PTPRN2: variants seen among roughly 807,000 people sequenced by gnomAD.
PTPRN2 encodes the protein protein tyrosine phosphatase receptor type N2, also known as receptor-type tyrosine-protein phosphatase N2.
A neutral mutation model predicts 118.8 loss-of-function variants in PTPRN2; 74 were observed. The observed-to-expected ratio is 0.62, with a 90% CI of 0.52 to 0.76. The LOEUF (loss-of-function observed/expected upper bound fraction) is 0.76, where lower values mean the gene tolerates loss of function less well. Ranked by LOEUF, PTPRN2 falls within the 30% of genes least tolerant of loss-of-function variation. The probability of loss-of-function intolerance (pLI) is 0.00; values close to 1 mark genes in which losing one functional copy is unlikely to be tolerated. For missense variants in PTPRN2, 1,481 were observed against 1,394.4 expected, an observed-to-expected ratio of 1.06 and a Z score of -0.99; for synonymous variants, 641 against 608.0, an observed-to-expected ratio of 1.05 and a Z score of -0.80.
chr7:158,157,881 G>C (rs1021499127), intron 6 of PTPRN2, among the ~76,000 whole-genome samples: 1 of 152,216 alleles, frequency 6.6e-6, no homozygotes, highest in Non-Finnish European at 1.5e-5. Flanking sequence ...GGACTGTTTC[G>C]CTAGGATGAA....
chr7:158,226,281 TGAG>T (rs572003068), intron 3 of PTPRN2, among the ~76,000 whole-genome samples: 223 of 152,154 alleles, frequency 1.5e-3, no homozygotes, highest in African/African-American at 5.2e-3. Flanking sequence ...GTGGATAGTT[TGAG>T]AAGCAGAATT....
At chr7:157,715,357 G>A (rs1308427380) in intron 12 of PTPRN2, among the ~76,000 whole-genome samples, 1 of 152,222 alleles carries the variant, frequency 6.6e-6, no homozygotes, top group Non-Finnish European at 1.5e-5. Context: ...TGGGGTGCCA[G>A]TCCCCCCGCT....
intron 12 of PTPRN2, among the ~76,000 whole-genome samples, chr7:157,872,259 T>C (rs1384977132): frequency 1.8e-3 from 217 of 123,138 alleles, no homozygotes; most frequent in African/African-American, 6.2e-3. Context: ...ACATATCCAG[T>C]GTCCTCCCCA....
intron 11 of PTPRN2, among the ~76,000 whole-genome samples, chr7:157,921,402 T>C (rs559735403): frequency 1.3e-5 from 2 of 152,328 alleles, no homozygotes; most frequent in South Asian, 4.1e-4. Flanking sequence ...TGATGATGGA[T>C]ACGTGTCATC....
At chr7:157,799,025 T>C (rs2151091004) in intron 12 of PTPRN2, among the ~76,000 whole-genome samples, 1 of 152,288 alleles carries the variant, frequency 6.6e-6, no homozygotes, top group East Asian at 1.9e-4. Flanking sequence ...TCCTTTCTTC[T>C]CCAACTTCTA....
intron 1 of PTPRN2, among the ~76,000 whole-genome samples, chr7:158,569,634 T>C (rs1827863899): frequency 6.6e-6 from 1 of 150,568 alleles, no homozygotes; most frequent in African/African-American, 2.5e-5. Flanking sequence ...GGCACAAGGC[T>C]GCCCAACAAG....
In PTPRN2 at chr7:158,417,510, T is replaced by A. The variant is rs533722294; in HGVS notation, c.163+72225A>T. Among the ~76,000 whole-genome samples the A allele has an allele frequency of 4.0e-5, 6 of 150,852 alleles. No individual in the cohort carries two copies. In the South Asian group the frequency reaches 1.0e-3, roughly 26 times the overall value. On this transcript the variant is annotated intron_variant, in intron 2 of 22. Coordinates refer to ENST00000389418, the MANE Select transcript of PTPRN2 (RefSeq NM_002847.5). ...TGCTCTAGCTCTCAGTGTCCCACTG[T>A]GTTAAGTCATGGTGTACTACATCGA...
chr7:158,256,623 G>C (rs972722940), intron 3 of PTPRN2, among the ~76,000 whole-genome samples: 1 of 152,048 alleles, frequency 6.6e-6, no homozygotes, highest in Non-Finnish European at 1.5e-5. Flanking sequence ...AAGTGATGAC[G>C]GCAGAGAAGA....
chr7:157,692,052 A>AG (rs1797528337), intron 12 of PTPRN2, among the ~76,000 whole-genome samples: 2 of 152,194 alleles, frequency 1.3e-5, no homozygotes, highest in Non-Finnish European at 2.9e-5. Context: ...AGAAAGGAAG[A>AG]GGGGGGCGCA....
chr7:158,149,824 C>T (rs935150312), intron 6 of PTPRN2, among the ~76,000 whole-genome samples: 2 of 149,238 alleles, frequency 1.3e-5, no homozygotes, highest in East Asian at 3.9e-4. Context: ...AAAAGATAAA[C>T]CCAAGTGATG....
chr7:158,146,308 C>G (rs531123998), intron 6 of PTPRN2, among the ~76,000 whole-genome samples: 5 of 152,070 alleles, frequency 3.3e-5, no homozygotes, highest in Non-Finnish European at 7.3e-5. Flanking sequence ...AAAATATGAA[C>G]CTCTCATTAA....
At chr7:158,081,405 A>T (rs1221545100) in intron 10 of PTPRN2, 28 bp from the exon 11 acceptor site, 1 of 1,604,238 alleles carries the variant, frequency 6.2e-7, no homozygotes, top group South Asian at 1.1e-5. Flanking sequence ...AAATAAGTTC[A>T]TAACGAAGTC....
At chr7:158,501,937 C>T (rs1822391934) in intron 1 of PTPRN2, among the ~76,000 whole-genome samples, 2 of 152,142 alleles carry the variant, frequency 1.3e-5, no homozygotes, top group South Asian at 2.1e-4. Context: ...CCTAGCTCTG[C>T]GGATGCCTGC....
intron 12 of PTPRN2, among the ~76,000 whole-genome samples, chr7:157,822,409 ACTAT>A (rs1270687557): frequency 6.6e-6 from 1 of 150,412 alleles, no homozygotes; most frequent in Non-Finnish European, 1.5e-5. Flanking sequence ...CTATCCATTA[ACTAT>A]CCATCCACTC....
chr7:158,268,657 T>C (rs1367693425), intron 3 of PTPRN2, among the ~76,000 whole-genome samples: 3 of 110,970 alleles, frequency 2.7e-5, no homozygotes, highest in Admixed American at 2.2e-4. Context: ...ACAGGGCGGG[T>C]GTGAAATATC....
chr7:157,641,662 C>G (rs1437008803), intron 14 of PTPRN2, among the ~76,000 whole-genome samples: 1 of 152,180 alleles, frequency 6.6e-6, no homozygotes, highest in Non-Finnish European at 1.5e-5. Context: ...ATCTTCCTGT[C>G]TTTCCAAGAT....
chr7:158,375,496 A>G (rs1374361333), intron 2 of PTPRN2, among the ~76,000 whole-genome samples: 1 of 152,194 alleles, frequency 6.6e-6, no homozygotes, highest in Non-Finnish European at 1.5e-5. Flanking sequence ...ATCCATTGCA[A>G]CTACAGTTTT....
intron 4 of PTPRN2, among the ~76,000 whole-genome samples, chr7:158,200,378 C>T (rs970897509): frequency 6.3e-4 from 96 of 152,294 alleles, no homozygotes; most frequent in African/African-American, 2.2e-3. Flanking sequence ...GACGAGCTGA[C>T]GCAGCCCCCG....
At chr7:158,036,588 A>G (rs1437354583) in intron 11 of PTPRN2, among the ~76,000 whole-genome samples, 1 of 152,232 alleles carries the variant, frequency 6.6e-6, no homozygotes, top group Non-Finnish European at 1.5e-5. Context: ...AAAAGTGACC[A>G]AAAAGGTATA....
Sources: gnomAD v4.1 joint callset for allele counts (sites outside exome capture counted in the v4.1 genomes callset) on GRCh38, gnomAD v4.1.1 for gene constraint, MANE v1.5 for transcripts, NCBI Gene and HGNC (gene_info 2026-07-23, HGNC 2026-07-21) for gene names.